The following SCAPER variants were observed in gnomAD, a reference collection of about 807,000 sequenced individuals.
SCAPER encodes the protein S phase cyclin A-associated protein in the endoplasmic reticulum.
In SCAPER, 98 loss-of-function variants were observed where a neutral mutation model predicts 182.2. That is an observed-to-expected ratio of 0.54 (90% CI 0.46 to 0.64). SCAPER has a LOEUF of 0.64. Ranked by LOEUF, SCAPER falls within the 30% of genes least tolerant of loss-of-function variation. The pLI is 0.00. For missense variants in SCAPER, 1,432 were observed against 1,690.0 expected (o/e 0.85, Z 2.68); for synonymous variants, 605 against 564.6 (o/e 1.07, Z -1.01).
chr15:76,648,277 T>C (rs2054723277), intron 21 of SCAPER, among the ~76,000 whole-genome samples: 1 of 147,098 alleles, frequency 6.8e-6, no homozygotes, highest in Non-Finnish European at 1.5e-5. Context: ...ACACATGAAA[T>C]AAAAACGTCA....
chr15:76,571,744 T>G (rs1396389271), intron 23 of SCAPER, among the ~76,000 whole-genome samples: 1 of 152,172 alleles, frequency 6.6e-6, no homozygotes, highest in Non-Finnish European at 1.5e-5. Flanking sequence ...TATCTTCAAA[T>G]ATCCTTCACT....
intron 17 of SCAPER, among the ~76,000 whole-genome samples, chr15:76,721,287 C>A (rs1351730146): frequency 1.3e-5 from 2 of 152,036 alleles, no homozygotes; most frequent in Non-Finnish European, 1.5e-5. Context: ...TGGTCTATAA[C>A]TCTGTTTTGG....
intron 25 of SCAPER, 85 bp downstream of exon 25, chr15:76,471,127 C>A: frequency 3.8e-5 from 37 of 973,072 alleles, no homozygotes; most frequent in South Asian, 1.1e-4. Context: ...TGGAGAGTAA[C>A]TAAGTTGAAT....
intron 25 of SCAPER, among the ~76,000 whole-genome samples, chr15:76,454,134 C>T (rs2048560250): frequency 6.6e-6 from 1 of 152,166 alleles, no homozygotes; most frequent in South Asian, 2.1e-4. Flanking sequence ...CCCTTCCTTT[C>T]ACTTGGGTTA....
chr15:76,478,143 G>T (rs1596887152), intron 24 of SCAPER, among the ~76,000 whole-genome samples: 1 of 151,730 alleles, frequency 6.6e-6, no homozygotes, highest in South Asian at 2.1e-4. Flanking sequence ...CTTGATTTAG[G>T]CATAAGGGAA....
chr15:76,631,469 T>C (rs2053105290), intron 21 of SCAPER, among the ~76,000 whole-genome samples: 1 of 152,208 alleles, frequency 6.6e-6, no homozygotes, highest in Non-Finnish European at 1.5e-5. Flanking sequence ...TCAGGAGCTC[T>C]TGCAAGGCAG....
intron 2 of SCAPER, among the ~76,000 whole-genome samples, chr15:76,882,378 A>G (rs2073602780): frequency 6.6e-6 from 1 of 151,910 alleles, no homozygotes; most frequent in African/African-American, 2.4e-5. Flanking sequence ...GGTGACAGAG[A>G]GACTCTGTCT....
intron 16 of SCAPER, among the ~76,000 whole-genome samples, chr15:76,729,600 GT>G (rs1266346020): frequency 6.6e-6 from 1 of 152,034 alleles, no homozygotes; most frequent in Non-Finnish European, 1.5e-5. Context: ...AGATTCCCTG[GT>G]TTTGTTTCCT....
chr15:76,621,185 C>T (rs1289747495), intron 22 of SCAPER, among the ~76,000 whole-genome samples: 1 of 152,174 alleles, frequency 6.6e-6, no homozygotes, highest in Non-Finnish European at 1.5e-5. Context: ...AAGTACTTTT[C>T]TCACTGCAGC....
At chr15:76,863,611 G>A (rs926120818) in intron 2 of SCAPER, among the ~76,000 whole-genome samples, 1 of 152,152 alleles carries the variant, frequency 6.6e-6, no homozygotes, top group African/African-American at 2.4e-5. Flanking sequence ...ACATGTAAGA[G>A]TAAAAAATAA....
Position 76,577,412 on chromosome 15 carries a change from G to A in SCAPER, c.2712-3128C>T, listed in dbSNP as rs138315103. On this transcript the variant is annotated intron_variant, in intron 22 of 31. Transcript: ENST00000563290. Reference sequence around the variant, plus strand: ...CAGTGAGCTATGATCATGCCACTGCGCTCTAGCCTGGGTGAAAAAGCAATA... The same window carrying A: ...CAGTGAGCTATGATCATGCCACTGCACTCTAGCCTGGGTGAAAAAGCAATA... Among the ~76,000 whole-genome samples, 504 of 152,240 alleles carry A rather than the reference G, an allele frequency of 3.3e-3. 5 individuals are homozygous for A. Among genetic ancestry groups the A allele is most frequent in the African/African-American group, 0.011 (472 of 41,534 alleles).
Position 76,652,522 on chromosome 15 carries a change from C to T in SCAPER, c.2645+13131G>A, listed in dbSNP as rs746266682. 4.8e-3 allele frequency among the ~76,000 whole-genome samples: 315 copies of T among 65,784 alleles called. 3 individuals carry two copies. Among genetic ancestry groups the T allele is most frequent in the African/African-American group, 0.015 (269 of 18,522 alleles). The allele number at this position is 65,784 out of a possible 152,430, so 43.2% of individuals were successfully genotyped here. A position where few individuals can be genotyped will look rare whatever the true frequency, so the allele number is the denominator to read the frequency against. ...ATATATATATATTTACATACATACA[C>T]ACACACACACACACACACACACACA... On this transcript the variant is annotated intron_variant, in intron 21 of 31. Transcript: ENST00000563290.
At chr15:76,471,080 TTTCTTCTTC>T (rs900611944) in intron 25 of SCAPER, 123 bp downstream of exon 25, 6 of 628,692 alleles carry the variant, frequency 9.5e-6, no homozygotes, top group South Asian at 7.7e-5. Flanking sequence ...TCATCTTCAC[TTTCTTCTTC>T]TTCTTCTTCT....
intron 21 of SCAPER, among the ~76,000 whole-genome samples, chr15:76,663,880 T>C (rs974590422): frequency 3.9e-5 from 6 of 152,074 alleles, no homozygotes; most frequent in South Asian, 2.1e-4. Flanking sequence ...AAAAAGTCAA[T>C]AGATACAGTT....
At chr15:76,438,291 A>AAAG (rs1353526435) in intron 25 of SCAPER, among the ~76,000 whole-genome samples, 1 of 151,692 alleles carries the variant, frequency 6.6e-6, no homozygotes, top group Non-Finnish European at 1.5e-5. Context: ...AAAAAAAAAA[A>AAAG]AAAAAAAATT....
At chr15:76,498,712 T>C (rs12911574) in intron 24 of SCAPER, 2 of 152,184 alleles carry the variant, frequency 1.3e-5, no homozygotes, top group Admixed American at 1.3e-4. Flanking sequence ...ACAATAAATG[T>C]TAGTTTGTAT....
At chr15:76,406,308 T>C (rs1285483720) in intron 26 of SCAPER, among the ~76,000 whole-genome samples, 1 of 151,856 alleles carries the variant, frequency 6.6e-6, no homozygotes, top group Non-Finnish European at 1.5e-5. Context: ...TGAAACCCTG[T>C]CTCTACTAAA....
intron 18 of SCAPER, among the ~76,000 whole-genome samples, chr15:76,704,082 T>C (rs139328576): frequency 6.6e-6 from 1 of 152,328 alleles, no homozygotes; most frequent in African/African-American, 2.4e-5. Flanking sequence ...GCTATAATTA[T>C]ACAATTCATA....
intron 8 of SCAPER, among the ~76,000 whole-genome samples, chr15:76,777,624 G>A (rs2063824289): frequency 6.6e-6 from 1 of 152,232 alleles, no homozygotes; most frequent in Admixed American, 6.5e-5. Flanking sequence ...GACCTGGGAT[G>A]TGGAGGTTGC....
Sources: gnomAD v4.1 joint callset for allele counts (sites outside exome capture counted in the v4.1 genomes callset) on GRCh38, gnomAD v4.1.1 for gene constraint, MANE v1.5 for transcripts, NCBI Gene and HGNC (gene_info 2026-07-23, HGNC 2026-07-21) for gene names.